Variants in NXPE2 observed in about 807,000 individuals in gnomAD.
NXPE2 encodes the protein neurexophilin and PC-esterase domain family member 2.
NXPE2 carries 34 observed loss-of-function variants against 34.4 expected under a neutral mutation model. That is an observed-to-expected ratio of 0.99 (90% CI 0.75 to 1.31). NXPE2 has a LOEUF of 1.31. NXPE2 is among the 40% of genes most tolerant of loss of function. NXPE2 has a pLI of 0.00. For synonymous variants in NXPE2, 235 were observed against 231.3 expected (o/e 1.02, Z -0.15); for missense variants, 649 against 672.5 (o/e 0.97, Z 0.39).
the NXPE2 span, among the ~76,000 whole-genome samples, chr11:114,535,443 A>C: frequency 2.0e-5 from 3 of 152,190 alleles, no homozygotes; most frequent in Admixed American, 1.3e-4. Context: ...ACTAACCATA[A>C]ATGTAAATGC....
the NXPE2 span, among the ~76,000 whole-genome samples, chr11:114,728,593 C>A: frequency 1.3e-4 from 20 of 152,074 alleles, no homozygotes; most frequent in African/African-American, 4.8e-4. Flanking sequence ...CCTATGTCTT[C>A]CTGCTTCTAT....
chr11:114,761,698 C>T, the NXPE2 span, among the ~76,000 whole-genome samples: 2 of 151,472 alleles, frequency 1.3e-5, no homozygotes, highest in Non-Finnish European at 1.5e-5. Context: ...CTCAGCCTCC[C>T]GAGTAGCTGG....
the NXPE2 span, among the ~76,000 whole-genome samples, chr11:114,595,267 C>A: frequency 6.6e-6 from 1 of 152,032 alleles, no homozygotes; most frequent in East Asian, 1.9e-4. Context: ...TTTCTAGCAC[C>A]CCCTCAAGCT....
At chr11:114,553,744 C>T in the NXPE2 span, 1 of 985,238 alleles carries the variant, frequency 1.0e-6, no homozygotes, top group Non-Finnish European at 1.2e-6. Flanking sequence ...AAGATGCCTC[C>T]ATTTGGAAAT....
At chr11:114,543,049 G>A in the NXPE2 span, among the ~76,000 whole-genome samples, 1 of 152,142 alleles carries the variant, frequency 6.6e-6, no homozygotes, top group Non-Finnish European at 1.5e-5. Flanking sequence ...GAGGCCAGGA[G>A]TTTGAGACCA....
chr11:114,693,162 T>C (rs539117120), intron 2 of NXPE2, among the ~76,000 whole-genome samples: 2 of 152,362 alleles, frequency 1.3e-5, no homozygotes, highest in South Asian at 4.1e-4. Flanking sequence ...GTCAGGCCTT[T>C]TAAAAATATT....
At chr11:114,716,637 C>A in the NXPE2 span, among the ~76,000 whole-genome samples, 2 of 152,108 alleles carry the variant, frequency 1.3e-5, no homozygotes. Context: ...GCAGAGAAAG[C>A]TCCGTGATGC....
chr11:114,530,606 A>G, the NXPE2 span: 40 of 1,613,978 alleles, frequency 2.5e-5, no homozygotes, highest in Admixed American at 1.3e-4. Flanking sequence ...AATCCCCACC[A>G]TATTGCTTCC....
chr11:114,748,850 T>A, the NXPE2 span, among the ~76,000 whole-genome samples: 2 of 152,336 alleles, frequency 1.3e-5, no homozygotes, highest in Admixed American at 1.3e-4. Flanking sequence ...ACTTTCAATT[T>A]ATTTATTGAT....
the NXPE2 span, among the ~76,000 whole-genome samples, chr11:114,492,587 G>A: frequency 6.6e-6 from 1 of 150,470 alleles, no homozygotes; most frequent in East Asian, 1.9e-4. Flanking sequence ...CGCCCAGGCT[G>A]GAGTGCAGTG....
chr11:114,468,479 T>C, the NXPE2 span, among the ~76,000 whole-genome samples: 5 of 152,250 alleles, frequency 3.3e-5, no homozygotes, highest in African/African-American at 7.2e-5. Flanking sequence ...AGAACACTTA[T>C]TTAACAAATG....
the NXPE2 span, among the ~76,000 whole-genome samples, chr11:114,749,827 T>TC: frequency 1.7e-4 from 26 of 152,216 alleles, 1 homozygote; most frequent in East Asian, 4.8e-3. Flanking sequence ...TAAACCTCCT[T>TC]CCACGTGGAT....
chr11:114,530,057 G>A, the NXPE2 span: 2 of 1,081,540 alleles, frequency 1.8e-6, no homozygotes, highest in Non-Finnish European at 2.7e-6. Context: ...GACACCACAT[G>A]TCTTACCTTG....
intron 1 of NXPE2, among the ~76,000 whole-genome samples, chr11:114,679,030 G>T (rs1018915338): frequency 6.6e-6 from 1 of 151,658 alleles, no homozygotes; most frequent in Non-Finnish European, 1.5e-5. Context: ...TGGGATTCTG[G>T]GTTTTAAAAA....
At chr11:114,688,873 G>A (rs1951095555) in intron 2 of NXPE2, among the ~76,000 whole-genome samples, 1 of 151,952 alleles carries the variant, frequency 6.6e-6, no homozygotes, top group African/African-American at 2.4e-5. Context: ...TTTCTAGTTT[G>A]TTTACATAGA....
chr11:114,579,721 C>T, the NXPE2 span, among the ~76,000 whole-genome samples: 1 of 152,176 alleles, frequency 6.6e-6, no homozygotes, highest in African/African-American at 2.4e-5. Context: ...GGTTATGTAA[C>T]TTGTTCAAAG....
chr11:114,623,533 C>G, the NXPE2 span, among the ~76,000 whole-genome samples: 1 of 152,072 alleles, frequency 6.6e-6, no homozygotes, highest in Non-Finnish European at 1.5e-5. Flanking sequence ...TGGATAAACA[C>G]TGTTACCTGG....
chr11:114,712,792 A>G, the NXPE2 span, among the ~76,000 whole-genome samples: 1 of 152,216 alleles, frequency 6.6e-6, no homozygotes, highest in Non-Finnish European at 1.5e-5. Flanking sequence ...AGCAAAGTGA[A>G]TTATTTCCAA....
chr11:114,652,556 AT>A, the NXPE2 span, among the ~76,000 whole-genome samples: 1 of 152,234 alleles, frequency 6.6e-6, no homozygotes, highest in Non-Finnish European at 1.5e-5. Context: ...GAGATGGTCC[AT>A]GTAAAATGCT....
Sources: gnomAD v4.1 joint callset for allele counts (sites outside exome capture counted in the v4.1 genomes callset) on GRCh38, gnomAD v4.1.1 for gene constraint, MANE v1.5 for transcripts, NCBI Gene and HGNC (gene_info 2026-07-23, HGNC 2026-07-21) for gene names.